Variants in ZNF532 observed in about 807,000 individuals in gnomAD.
ZNF532 encodes the protein zinc finger protein 532.
ZNF532 carries 22 observed loss-of-function variants against 89.3 expected under a neutral mutation model. The observed-to-expected ratio is 0.25, with a 90% CI of 0.18 to 0.35. The LOEUF (loss-of-function observed/expected upper bound fraction) is 0.35, where lower values mean the gene tolerates loss of function less well. Among genes scored for constraint, ZNF532 ranks in the 10% least tolerant of loss-of-function variants. The pLI is 1.00. For missense variants in ZNF532, 1,132 were observed against 1,643.4 expected (o/e 0.69, Z 5.38); for synonymous variants, 606 against 649.6 (o/e 0.93, Z 1.02).
intron 2 of ZNF532, among the ~76,000 whole-genome samples, chr18:58,870,589 G>A (rs1010276911): frequency 4.6e-5 from 7 of 152,150 alleles, no homozygotes; most frequent in East Asian, 1.9e-4. Flanking sequence ...CGGACCTTTC[G>A]TTACAAAGGT....
intron 4 of ZNF532, among the ~76,000 whole-genome samples, chr18:58,938,391 G>A (rs1757518557): frequency 6.6e-6 from 1 of 152,192 alleles, no homozygotes; most frequent in African/African-American, 2.4e-5. Context: ...GAGGAGAAAT[G>A]TATCTTAGAT....
At position 58,887,170 on chromosome 18, in the gene ZNF532, G is replaced by A. The variant is rs78017039; in HGVS notation, c.-18+21591G>A. The stretch of plus-strand genomic sequence containing the variant: ...GTGGCTTATTCCGCAACACAGTTGC[G>A]TAGGGGCCCGAGGGGCCCTGGGCAG... On this transcript the variant is annotated intron_variant, in intron 2 of 9. Coordinates refer to ENST00000591808, the MANE Select transcript of ZNF532 (RefSeq NM_001375912.1). Among the ~76,000 whole-genome samples the A allele has an allele frequency of 3.1e-3, 469 of 152,368 alleles. 4 individuals carry two copies. The highest frequency in any genetic ancestry group is 0.011 in the African/African-American group (444 of 41,592).
chr18:58,961,954 G>A (rs2065388031), intron 7 of ZNF532, among the ~76,000 whole-genome samples: 1 of 152,200 alleles, frequency 6.6e-6, no homozygotes, highest in African/African-American at 2.4e-5. Flanking sequence ...GCTGGGCATG[G>A]TGGGTCATGC....
At chr18:58,975,213 A>C (rs1286857876) in intron 7 of ZNF532, among the ~76,000 whole-genome samples, 2 of 152,164 alleles carry the variant, frequency 1.3e-5, no homozygotes, top group African/African-American at 4.8e-5. Flanking sequence ...TGTGTCAGCA[A>C]CGGTTGAGGA....
At chr18:58,920,884 TG>T (rs2061016681) in intron 3 of ZNF532, among the ~76,000 whole-genome samples, 1 of 151,144 alleles carries the variant, frequency 6.6e-6, no homozygotes, top group Non-Finnish European at 1.5e-5. Flanking sequence ...GGGGATGTGG[TG>T]GTGGCAGTGG....
Position 58,984,033 on chromosome 18 carries a change from C to T in ZNF532, c.3473C>T (p.Ala1158Val). Residue 1158 changes from alanine (A) to valine (V), a missense_variant, in exon 10 of 10, where the codon GCA becomes GTA. Physicochemically the swap from Ala to Val is moderately conservative, Grantham distance 64 (BLOSUM62 0). Around this residue, in one of 9 missense-constraint regions of ZNF532, gnomAD observed 415 missense variants for 604.8 expected, o/e 0.69. Coordinates refer to ENST00000591808, the MANE Select transcript of ZNF532 (RefSeq NM_001375912.1). ...CTGGAGTTCAGGCCTCCCCGAGGAGCAATCACTCAACCACTGAAAAAGCTG... is the reference window on the plus strand; with the variant it reads ...CTGGAGTTCAGGCCTCCCCGAGGAGTAATCACTCAACCACTGAAAAAGCTG... ...PVLEFRPPRG[A>V]ITQPLKKLKI... is the part of the protein sequence containing the mutation. 2 of 1,611,882 alleles carry T rather than the reference C, an allele frequency of 1.2e-6. No homozygotes were observed. Among genetic ancestry groups the T allele is most frequent in the Non-Finnish European group, 1.7e-6 (2 of 1,179,824 alleles).
At chr18:58,957,122 A>G (rs932987160) in intron 7 of ZNF532, among the ~76,000 whole-genome samples, 4 of 152,208 alleles carry the variant, frequency 2.6e-5, no homozygotes, top group Admixed American at 6.5e-5. Context: ...GTAAATACCT[A>G]GAGAACTGTA....
intron 7 of ZNF532, among the ~76,000 whole-genome samples, chr18:58,970,163 C>T (rs780476822): frequency 1.3e-5 from 2 of 152,140 alleles, no homozygotes; most frequent in East Asian, 1.9e-4. Flanking sequence ...GGATTACAGG[C>T]GTGAGCCGCT....
At chr18:58,893,916 A>T (rs1023243728) in intron 2 of ZNF532, among the ~76,000 whole-genome samples, 1 of 152,106 alleles carries the variant, frequency 6.6e-6, no homozygotes, top group Non-Finnish European at 1.5e-5. Context: ...CCTGAATCTC[A>T]CTGGGCTCAT....
chr18:58,878,280 A>T (rs1384445759), intron 2 of ZNF532, among the ~76,000 whole-genome samples: 4 of 151,442 alleles, frequency 2.6e-5, no homozygotes, highest in Admixed American at 6.6e-5. Context: ...CAAAACGAAA[A>T]AAAACCACTG....
chr18:58,902,580 C>T (rs1394091796), intron 2 of ZNF532, among the ~76,000 whole-genome samples: 3 of 151,576 alleles, frequency 2.0e-5, no homozygotes, highest in Admixed American at 2.0e-4. Flanking sequence ...GCAGCCTCCA[C>T]CTCCCGGGTT....
At chr18:58,927,957 A>G (rs2061657799) in intron 3 of ZNF532, among the ~76,000 whole-genome samples, 1 of 152,196 alleles carries the variant, frequency 6.6e-6, no homozygotes, top group African/African-American at 2.4e-5. Context: ...AGGAGTGAGA[A>G]TTGCGTCTTT....
At chr18:58,969,456 C>CTG (rs1253853855) in intron 7 of ZNF532, among the ~76,000 whole-genome samples, 2 of 152,244 alleles carry the variant, frequency 1.3e-5, no homozygotes, top group Non-Finnish European at 2.9e-5. Context: ...GTCTTCATCG[C>CTG]TGCCCGGCAG....
intron 2 of ZNF532, among the ~76,000 whole-genome samples, chr18:58,882,983 C>T (rs1263082558): frequency 1.3e-5 from 2 of 152,130 alleles, no homozygotes; most frequent in East Asian, 3.8e-4. Flanking sequence ...ACTGTAGAAC[C>T]CCTTCTTCCC....
At position 58,918,282 on chromosome 18, in the gene ZNF532, A is replaced by C. The variant is rs761312340; in HGVS notation, c.-6A>C. 2.9e-5 allele frequency: 46 copies of C among 1,608,426 alleles called. No homozygotes were observed. The highest frequency in any genetic ancestry group is 3.8e-5 in the Non-Finnish European group (45 of 1,176,524). On this transcript the variant is annotated 5_prime_UTR_variant, in exon 3 of 10. Transcript: ENST00000591808. The stretch of plus-strand genomic sequence containing the variant: ...TGCTCATTTAACAGAACATCTGCTC[A>C]AATTAATGACCATGGGGGATATGAA...
At chr18:58,948,563 CT>C (rs1299930937) in intron 6 of ZNF532, among the ~76,000 whole-genome samples, 313 of 133,652 alleles carry the variant, frequency 2.3e-3, no homozygotes, top group Middle Eastern at 7.7e-3. Context: ...CTTTCCTTTC[CT>C]TTTTTTTTTT....
At chr18:58,947,311 C>T (rs1480214143) in intron 5 of ZNF532, among the ~76,000 whole-genome samples, 1 of 152,100 alleles carries the variant, frequency 6.6e-6, no homozygotes. Context: ...CTCGTGCCCT[C>T]GTTTCAGTAG....
Position 58,951,646 on chromosome 18 carries a change from GTTTTTTTT to G in ZNF532, c.2869-1858_2869-1851del, listed in dbSNP as rs3039758. ...CAATCACCTCAGCCCTCGCCCTGTT[GTTTTTTTT>G]TTTTTTTTTTTTTGAGATGGAGTTT... On this transcript the variant is annotated intron_variant, in intron 6 of 9. Transcript: ENST00000591808. Among the ~76,000 whole-genome samples the G allele has an allele frequency of 7.2e-4, 52 of 72,602 alleles. 1 individual carries two copies. In the Admixed American group the frequency reaches 8.9e-3, roughly 12 times the overall value. 47.6% of individuals were successfully genotyped at this position (72,602 alleles called of 152,430 possible).
At chr18:58,966,011 A>T (rs534345280) in intron 7 of ZNF532, among the ~76,000 whole-genome samples, 1 of 152,126 alleles carries the variant, frequency 6.6e-6, no homozygotes, top group African/African-American at 2.4e-5. Context: ...GAGTCTGGTT[A>T]TGGGGGTTTG....
Sources: allele counts gnomAD v4.1 joint callset (sites outside exome capture counted in the v4.1 genomes callset), GRCh38; gene constraint gnomAD v4.1.1; regional missense constraint gnomAD v4.1.1; transcripts MANE v1.5; gene names NCBI Gene and HGNC (gene_info 2026-07-23, HGNC 2026-07-21).